CEP85: variants seen among roughly 807,000 people sequenced by gnomAD.
CEP85 encodes centrosomal protein of 85 kDa.
In CEP85, 58 loss-of-function variants were observed where a neutral mutation model predicts 93.7. The ratio of observed to expected loss-of-function variants is 0.62; its 90% CI spans 0.50 to 0.77. The LOEUF (loss-of-function observed/expected upper bound fraction) is 0.77. CEP85 is among the 30% of genes least tolerant of loss of function. CEP85 has a pLI of 0.00. For synonymous variants in CEP85, 314 were observed against 338.6 expected (o/e 0.93, Z 0.80); for missense variants, 868 against 922.0 (o/e 0.94, Z 0.76).
At chr1:26,243,208 C>A (rs1208626771) in intron 2 of CEP85, among the ~76,000 whole-genome samples, 26 of 150,920 alleles carry the variant, frequency 1.7e-4, no homozygotes, top group African/African-American at 5.8e-4. Flanking sequence ...TCTTTGCTCA[C>A]TGCAACCTCG....
intron 3 of CEP85, among the ~76,000 whole-genome samples, chr1:26,249,163 C>A (rs922332866): frequency 2.6e-5 from 4 of 152,114 alleles, no homozygotes; most frequent in African/African-American, 9.7e-5. Flanking sequence ...CTCACTGCAA[C>A]CTCCGCCTCC....
At position 26,258,123 on chromosome 1, in the gene CEP85, G is replaced by A; in HGVS notation, c.1038-20G>A. 1 of 1,591,216 alleles carries A rather than the reference G, an allele frequency of 6.3e-7. No homozygotes were observed. The highest frequency in any genetic ancestry group is 1.7e-5 in the Admixed American group (1 of 59,960). On this transcript the variant is annotated intron_variant, in intron 5 of 13. Transcript: ENST00000451429. The stretch of plus-strand genomic sequence containing the variant: ...GGGGTTAGCATCAGGACCCTGACCT[G>A]ATTCTACCGGCTTGTGCAGGCAGAG...
chr1:26,255,445 G>A lies in CEP85; in HGVS notation c.483G>A (p.Glu161=), dbSNP rs759815954. The A allele has an allele frequency of 2.5e-6, 4 of 1,614,132 alleles. No individual in the cohort carries two copies. The Admixed American group carries it at 6.7e-5, about 27-fold the overall frequency. The part of the protein sequence containing the change: ...FSGATGENGI[E]QSWFPAVGHE... ...GTGCTACTGGAGAAAATGGAATTGA[G>A]CAGTCCTGGTTTCCAGCAGTGGGCC... Residue 161 remains glutamate (E), a synonymous_variant, in exon 4 of 14, where the codon GAG becomes GAA. Transcript: ENST00000451429.
chr1:26,237,739 C>T lies in CEP85; in HGVS notation c.-22-2023C>T, dbSNP rs17163746. On this transcript the variant is annotated intron_variant, in intron 1 of 13. Transcript: ENST00000451429. ...GGAATTGCTGAGTCATAGGGTAACT[C>T]GGAGTTCTCCTTCTGTCACCGTATT... is the stretch of plus-strand genomic sequence containing the variant. Among the ~76,000 whole-genome samples the T allele has an allele frequency of 2.6e-5, 4 of 152,066 alleles. No individual in the cohort carries two copies. In the South Asian group the frequency reaches 6.2e-4, roughly 24 times the overall value.
At position 26,269,599 on chromosome 1, in the gene CEP85, C is replaced by T. The variant is rs1361970630; in HGVS notation, c.1634C>T (p.Ser545Phe). 6 of 1,613,290 alleles carry T rather than the reference C, an allele frequency of 3.7e-6. No homozygotes were observed. The highest frequency in any genetic ancestry group is 1.6e-4 in the Middle Eastern group (1 of 6,076). Residue 545 changes from serine to phenylalanine, a missense_variant, in exon 9 of 14, where the codon TCC (serine) becomes TTC (phenylalanine). Coordinates refer to ENST00000451429, the MANE Select transcript of CEP85 (RefSeq NM_001319944.2). ...CTGAGGCAGAGAGAAGCAGAATTCT[C>T]CTCCGCTGGACATAGGTAAATAACC... The part of the protein sequence containing the change: ...ESLRQREAEF[S>F]SAGHSLQDKQ...
At chr1:26,240,204 C>T (rs949848863) in intron 2 of CEP85, among the ~76,000 whole-genome samples, 1 of 152,164 alleles carries the variant, frequency 6.6e-6, no homozygotes, top group African/African-American at 2.4e-5. Context: ...AATAGGAATT[C>T]TGCTTGGATG....
At chr1:26,243,128 CT>C (rs35251831) in intron 2 of CEP85, among the ~76,000 whole-genome samples, 1,223 of 121,758 alleles carry the variant, frequency 0.01, 14 homozygotes, top group Middle Eastern at 0.017. Context: ...CAGTGATTTT[CT>C]TTTTTTTTTT....
In CEP85 at chr1:26,275,022, C is replaced by T. The variant is rs776554525; in HGVS notation, c.1853C>T (p.Ala618Val). 4 of 1,587,228 alleles carry T rather than the reference C, an allele frequency of 2.5e-6. No homozygotes were observed. The highest frequency in any genetic ancestry group is 2.7e-5 in the African/African-American group (2 of 74,218). Residue 618 changes from alanine to valine, a missense_variant, in exon 12 of 14, where the codon GCC becomes GTC. Physicochemically the swap from Ala to Val is moderately conservative, Grantham distance 64. Transcript: ENST00000451429. ...EGTSQALREE[A>V]QRRDSALQQL... ...ACAAGCCAGGCCCTGAGAGAGGAGG[C>T]CCAGCGAAGGGATTCAGCCCTGCAG...
chr1:26,242,186 G>A (rs975847908), intron 2 of CEP85, among the ~76,000 whole-genome samples: 6 of 152,206 alleles, frequency 3.9e-5, no homozygotes, highest in Admixed American at 1.3e-4. Context: ...AAATGGTAGC[G>A]ATGAAGAGTG....
chr1:26,262,191 C>T (rs1021114182), intron 7 of CEP85, among the ~76,000 whole-genome samples: 8 of 152,224 alleles, frequency 5.3e-5, no homozygotes, highest in Admixed American at 4.6e-4. Flanking sequence ...CCTATAGTCC[C>T]AGCTACTTGG....
chr1:26,245,331 C>T (rs1317560360), intron 3 of CEP85, among the ~76,000 whole-genome samples: 1 of 152,100 alleles, frequency 6.6e-6, no homozygotes, highest in East Asian at 1.9e-4. Flanking sequence ...CCACCATACC[C>T]AGCTGGTTTT....
intron 7 of CEP85, among the ~76,000 whole-genome samples, chr1:26,261,060 G>A (rs1022111319): frequency 6.6e-6 from 1 of 151,276 alleles, no homozygotes; most frequent in Non-Finnish European, 1.5e-5. Context: ...CAAAGTGCTG[G>A]GATTACAGAT....
chr1:26,258,640 A>G (rs11247888), intron 6 of CEP85, among the ~76,000 whole-genome samples: 26,764 of 151,232 alleles, frequency 0.18, 2,999 homozygotes, highest in African/African-American at 0.31. Context: ...TCTGTCACCC[A>G]GGCTGGAGTG....
At chr1:26,242,966 T>G (rs1169873023) in intron 2 of CEP85, among the ~76,000 whole-genome samples, 1 of 152,142 alleles carries the variant, frequency 6.6e-6, no homozygotes, top group South Asian at 2.1e-4. Flanking sequence ...CAAATAAATC[T>G]CATCAGTCTT....
At chr1:26,267,456 CG>C (rs1174655139) in intron 7 of CEP85, among the ~76,000 whole-genome samples, 2 of 152,034 alleles carry the variant, frequency 1.3e-5, no homozygotes, top group Non-Finnish European at 2.9e-5. Flanking sequence ...CCCAGCTACT[CG>C]GGAAACTGAG....
chr1:26,260,130 C>G (rs781451301), intron 7 of CEP85, among the ~76,000 whole-genome samples: 1 of 152,164 alleles, frequency 6.6e-6, no homozygotes, highest in East Asian at 1.9e-4. Flanking sequence ...GGCACTGTTG[C>G]AAAATACACC....
intron 8 of CEP85, among the ~76,000 whole-genome samples, chr1:26,269,096 G>C (rs1167886739): frequency 6.6e-6 from 1 of 152,076 alleles, no homozygotes; most frequent in Non-Finnish European, 1.5e-5. Flanking sequence ...TTAATTACCT[G>C]TTCCTAACTG....
rs750933219 is a variant in CEP85, at chr1:26,268,645, A to G, written c.1494+10A>G. 3 of 1,602,208 alleles carry G rather than the reference A, an allele frequency of 1.9e-6. No individual in the cohort carries two copies. Among genetic ancestry groups the G allele is most frequent in the East Asian group, 4.5e-5 (2 of 44,712 alleles). The stretch of plus-strand genomic sequence containing the variant: ...GAAGCAGAGCCAGCAGGTAGCAGCA[A>G]TGTCTTGGCATGCCTGGGGTGATCA... On this transcript the variant is annotated intron_variant, in intron 8 of 13. Transcript: ENST00000451429.
chr1:26,268,345 C>T, intron 7 of CEP85, 138 bp from the exon 8 acceptor site: 2 of 866,112 alleles, frequency 2.3e-6, no homozygotes, highest in Non-Finnish European at 3.7e-6. Flanking sequence ...GCAGTCCCAG[C>T]TACTCCAGGG....
Sources: gnomAD v4.1 joint callset for allele counts (sites outside exome capture counted in the v4.1 genomes callset) on GRCh38, gnomAD v4.1.1 for gene constraint, MANE v1.5 for transcripts, NCBI Gene and HGNC (gene_info 2026-07-23, HGNC 2026-07-21) for gene names.